Variants in PCK2 observed in about 807,000 individuals in gnomAD.
PCK2 encodes phosphoenolpyruvate carboxykinase [GTP], mitochondrial.
In PCK2, 56 loss-of-function variants were observed where a neutral mutation model predicts 65.9. That is an observed-to-expected ratio of 0.85 (90% CI 0.69 to 1.06). PCK2 has a LOEUF of 1.06. PCK2 is among the 50% of genes least tolerant of loss of function. The pLI, the probability that PCK2 is intolerant of heterozygous loss-of-function variation, is 0.00. For missense variants in PCK2, 843 were observed against 863.1 expected, an observed-to-expected ratio of 0.98 and a Z score of 0.29; for synonymous variants, 305 against 319.6, an observed-to-expected ratio of 0.95 and a Z score of 0.49.
At chr14:24,103,291 T>G (rs759836264) in intron 9 of PCK2, 36 bp downstream of exon 9, 8 of 1,501,604 alleles carry the variant, frequency 5.3e-6, no homozygotes, top group Admixed American at 5.1e-5. Flanking sequence ...CTCCTGTGTG[T>G]GCACACAGCA....
rs75497728 is a variant in PCK2, at chr14:24,099,114, C to T, written c.730C>T (p.Arg244Trp). 2,194 of 1,612,112 alleles carry T rather than the reference C, an allele frequency of 1.4e-3. 19 individuals are homozygous for T. The East Asian group carries it at 0.025, about 19-fold the overall frequency. ...KTLIGHVPDQ[R>W]EIISFGSGYG... is the part of the protein sequence containing the mutation. ...CCTGATTGGCCACGTGCCCGACCAG[C>T]GGGAGATCATCTCCTTCGGCAGCGG... Residue 244 changes from arginine (R) to tryptophan (W), a missense_variant, in exon 5 of 10, where the codon CGG (arginine) becomes TGG (tryptophan). Transcript: ENST00000216780.
rs558675327 is a variant in PCK2, at chr14:24,103,143, G to C, written c.1373-17G>C. On this transcript the variant is annotated splice_polypyrimidine_tract_variant and intron_variant, in intron 8 of 9. Coordinates refer to ENST00000216780, the MANE Select transcript of PCK2 (RefSeq NM_004563.4). ...AAAGAAAAGGGCTGCCTGTGACTCTGTTCATTGGTGATCTAGGGGTACCCC... is the reference window on the plus strand; with the variant it reads ...AAAGAAAAGGGCTGCCTGTGACTCTCTTCATTGGTGATCTAGGGGTACCCC... The C allele has an allele frequency of 2.5e-6, 4 of 1,596,670 alleles. No homozygotes were observed. In the Admixed American group the frequency reaches 5.0e-5, roughly 20 times the overall value.
At chr14:24,100,567 G>T (rs2037122608) in intron 7 of PCK2, 2 of 1,104,684 alleles carry the variant, frequency 1.8e-6, no homozygotes, top group Non-Finnish European at 2.2e-6. Flanking sequence ...AATAAATACA[G>T]GCTGGATTTT....
chr14:24,094,717 G>C lies in PCK2; in HGVS notation c.29+283G>C. The C allele has an allele frequency of 6.7e-7, 1 of 1,500,664 alleles. No individual in the cohort carries two copies. Among genetic ancestry groups the C allele is most frequent in the Non-Finnish European group, 8.9e-7 (1 of 1,124,790 alleles). The allele number at this position is 1,500,664 out of a possible 1,614,324, so 93.0% of individuals were successfully genotyped here. ...CTCTCAGAACTTCCTCTCTCTCCTC[G>C]CTCCTCTCTGCTGAGCCAGGTCTCC... On this transcript the variant is annotated intron_variant, in intron 1 of 9. Coordinates refer to ENST00000216780, the MANE Select transcript of PCK2 (RefSeq NM_004563.4). The surrounding 1 kb of genome is among the most constrained non-coding windows in gnomAD (Gnocchi z 4.1).
At chr14:24,095,486 C>T (rs948349821) in intron 1 of PCK2, 9 of 318,428 alleles carry the variant, frequency 2.8e-5, no homozygotes, top group Non-Finnish European at 5.1e-5. Context: ...CTCCCGTATC[C>T]ATGCTCTGAG....
intron 1 of PCK2, chr14:24,095,373 AC>A: frequency 2.6e-6 from 1 of 391,902 alleles, no homozygotes; most frequent in Non-Finnish European, 5.2e-6. Context: ...GCAGGAACAG[AC>A]CCAGGTCCCA....
chr14:24,094,417 G>A lies in PCK2; in HGVS notation c.12G>A (p.Leu4=). MAA[L]YRPGLRLNWH... ...CCTGCCCAGGTGCCATGGCCGCATT[G>A]TACCGCCCTGGCCTGCGGTGAGTGA... The change falls in exon 1 of 10, where the codon TTG becomes TTA. Residue 4 remains leucine (L), a synonymous_variant. Transcript: ENST00000216780. This position sits in a 1 kb window ranked among gnomAD's most constrained non-coding sequence, Gnocchi z 4.1. 6.4e-7 allele frequency: 1 copy of A among 1,561,262 alleles called. No homozygotes were observed. Among genetic ancestry groups the A allele is most frequent in the Non-Finnish European group, 8.6e-7 (1 of 1,157,980 alleles).
chr14:24,100,323 G>A, intron 7 of PCK2, 110 bp downstream of exon 7: 1 of 1,515,046 alleles, frequency 6.6e-7, no homozygotes, highest in South Asian at 1.3e-5. Flanking sequence ...AGGAGGCACA[G>A]AAGTCATGAA....
At chr14:24,101,308 T>C (rs750402730) in intron 7 of PCK2, among the ~76,000 whole-genome samples, 7 of 152,226 alleles carry the variant, frequency 4.6e-5, no homozygotes, top group Non-Finnish European at 8.8e-5. Flanking sequence ...AGGATGGCTC[T>C]TATCTGCAAT....
chr14:24,103,522 T>G lies in PCK2; in HGVS notation c.1481T>G (p.Met494Arg). 6.4e-7 allele frequency: 1 copy of G among 1,553,832 alleles called. No homozygotes were observed. Among genetic ancestry groups the G allele is most frequent in the Non-Finnish European group, 8.7e-7 (1 of 1,148,774 alleles). Residue 494 changes from methionine to arginine, a missense_variant, in exon 10 of 10, where the codon ATG becomes AGG. Coordinates refer to ENST00000216780, the MANE Select transcript of PCK2 (RefSeq NM_004563.4). ...GCTTCCCCCCCAGGGAAGATCATCA[T>G]GCACGACCCATTTGCCATGCGGCCC... ...AAAEHKGKIIMHDPFAMRPFF... is the reference protein window; with the variant it reads ...AAAEHKGKIIRHDPFAMRPFF...
rs781505205 is a variant in PCK2, at chr14:24,098,256, T to C, written c.329T>C (p.Val110Ala). 1.9e-6 allele frequency: 3 copies of C among 1,613,820 alleles called. No homozygotes were observed. Among genetic ancestry groups the C allele is most frequent in the Admixed American group, 3.3e-5 (2 of 59,978 alleles). Residue 110 changes from valine to alanine, a missense_variant, in exon 3 of 10, where the codon GTG becomes GCG. Physicochemically the swap from Val to Ala is moderately conservative, Grantham distance 64. Transcript: ENST00000216780. ...KDVARVESKTVIVTPSQRDTV... is the reference protein window; with the variant it reads ...KDVARVESKTAIVTPSQRDTV... ...GTGGCACGAGTAGAGAGCAAGACGGTGATTGTAACTCCTTCTCAGCGGGAC... is the reference window on the plus strand; with the variant it reads ...GTGGCACGAGTAGAGAGCAAGACGGCGATTGTAACTCCTTCTCAGCGGGAC...
At chr14:24,102,344 T>C (rs915630406) in intron 7 of PCK2, among the ~76,000 whole-genome samples, 1 of 152,226 alleles carries the variant, frequency 6.6e-6, no homozygotes, top group Non-Finnish European at 1.5e-5. Context: ...ACATTCTCAG[T>C]TTTTGCTTTA....
chr14:24,101,365 G>A lies in PCK2; in HGVS notation c.1234+1152G>A, dbSNP rs139661635. 3.2e-3 allele frequency among the ~76,000 whole-genome samples: 490 copies of A among 152,250 alleles called. 3 individuals carry two copies. Among genetic ancestry groups the A allele is most frequent in the African/African-American group, 0.011 (449 of 41,538 alleles). On this transcript the variant is annotated intron_variant, in intron 7 of 9. Transcript: ENST00000216780. ...GGGAGAGGGTGGGGATTTTGGCCCC[G>A]TGGCTTCCCCACTCCCCAGGTCTGA...
chr14:24,099,290 C>A, intron 5 of PCK2, 54 bp downstream of exon 5: 1 of 1,513,250 alleles, frequency 6.6e-7, no homozygotes, highest in Non-Finnish European at 9.0e-7. Context: ...AGGGGTGGGG[C>A]CTGGCCAGTC....
upstream of PCK2, chr14:24,094,268 G>T (rs967520621): frequency 6.3e-6 from 5 of 799,912 alleles, no homozygotes; most frequent in Non-Finnish European, 9.8e-6. The surrounding 1 kb of genome is among the most constrained non-coding windows in gnomAD (Gnocchi z 4.1). Flanking sequence ...CCGCCCCCGC[G>T]CCTGCCCCCC....
In PCK2 at chr14:24,103,235, C is replaced by T; in HGVS notation, c.1448C>T (p.Thr483Ile). ...GGCAGCGCCATGCGCTCTGAGTCCA[C>T]TGCTGCAGCAGAACACAAAGGTGAG... The part of the protein sequence containing the change: ...FVGSAMRSES[T>I]AAAEHKGKII... The change falls in exon 9 of 10, where the codon ACT becomes ATT. Residue 483 changes from threonine to isoleucine, a missense_variant. Thr to Ile is a moderately conservative substitution (Grantham distance 89). Coordinates refer to ENST00000216780, the MANE Select transcript of PCK2 (RefSeq NM_004563.4). The T allele has an allele frequency of 6.2e-6, 10 of 1,613,768 alleles. No homozygotes were observed. Among genetic ancestry groups the T allele is most frequent in the Non-Finnish European group, 8.5e-6 (10 of 1,179,654 alleles).
At chr14:24,098,045 G>T (rs1450918360) in intron 2 of PCK2, among the ~76,000 whole-genome samples, 158 bp from the exon 3 acceptor site, 1 of 152,082 alleles carries the variant, frequency 6.6e-6, no homozygotes, top group Non-Finnish European at 1.5e-5. Context: ...ACACCCCTTA[G>T]ATGGGACAAA....
At chr14:24,098,113 C>A in intron 2 of PCK2, 90 bp from the exon 3 acceptor site, 1 of 1,046,646 alleles carries the variant, frequency 9.6e-7, no homozygotes, top group Non-Finnish European at 1.4e-6. Flanking sequence ...CAACAGAAGA[C>A]CTGGAGTCAA....
chr14:24,103,256 G>A lies in PCK2; in HGVS notation c.1468+1G>A, dbSNP rs776404979. 5 of 1,610,330 alleles carry A rather than the reference G, an allele frequency of 3.1e-6. No homozygotes were observed. The African/African-American group carries it at 5.3e-5, about 17-fold the overall frequency. On this transcript the variant is annotated splice_donor_variant, in intron 9 of 9. Transcript: ENST00000216780. LOFTEE classifies it high-confidence loss of function. ...TCCACTGCTGCAGCAGAACACAAAG[G>A]TGAGCACCCTCACCATTCCTCCCTC...
Sources: gnomAD v4.1 joint callset for allele counts (sites outside exome capture counted in the v4.1 genomes callset) on GRCh38, gnomAD v4.1.1 for gene constraint, Gnocchi (gnomAD v3.1) non-coding constraint, MANE v1.5 for transcripts, NCBI Gene and HGNC (gene_info 2026-07-23, HGNC 2026-07-21) for gene names.